The following EGFLAM variants were observed in gnomAD, a reference collection of about 807,000 sequenced individuals.
The protein encoded by EGFLAM is pikachurin.
EGFLAM carries 79 observed loss-of-function variants against 113.1 expected under a neutral mutation model. The observed-to-expected ratio is 0.70, with a 90% CI of 0.58 to 0.84. EGFLAM has a LOEUF of 0.84. Among genes scored for constraint, EGFLAM ranks in the 40% least tolerant of loss-of-function variants. The pLI is 0.00. For synonymous variants in EGFLAM, 504 were observed against 487.6 expected, an observed-to-expected ratio of 1.03 and a Z score of -0.44; for missense variants, 1,265 against 1,291.6, an observed-to-expected ratio of 0.98 and a Z score of 0.32.
intron 1 of EGFLAM, among the ~76,000 whole-genome samples, chr5:38,319,922 A>T (rs1251565763): frequency 6.6e-6 from 1 of 152,174 alleles, no homozygotes; most frequent in African/African-American, 2.4e-5. Context: ...ACATTTAGAG[A>T]TTGGAAACAC....
intron 1 of EGFLAM, among the ~76,000 whole-genome samples, chr5:38,333,916 G>GTTT (rs70978880): frequency 0.069 from 2,014 of 29,374 alleles, 460 homozygotes; most frequent in African/African-American, 0.25. Context: ...ATTGTTGAGG[G>GTTT]TTTTTTTTTT....
intron 10 of EGFLAM, among the ~76,000 whole-genome samples, chr5:38,409,361 G>A (rs1353048177): frequency 2.6e-5 from 4 of 152,110 alleles, no homozygotes; most frequent in Non-Finnish European, 4.4e-5. Context: ...GTGTTGTAGA[G>A]TGTACCTGGT....
In EGFLAM at chr5:38,415,362, CA is replaced by C. The variant is rs201173192; in HGVS notation, c.1495-2691del. On this transcript the variant is annotated intron_variant, in intron 11 of 21. Coordinates refer to ENST00000322350, the MANE Select transcript of EGFLAM (RefSeq NM_152403.4). The stretch of plus-strand genomic sequence containing the variant: ...TGGGCTGCAGAGCAAGACTCCATCT[CA>C]AAAAAAAAAAAAGAAAAGAATTAAG... Among the ~76,000 whole-genome samples, 626 of 129,514 alleles carry C rather than the reference CA, an allele frequency of 4.8e-3. 3 individuals are homozygous for C. Among genetic ancestry groups the C allele is most frequent in the African/African-American group, 0.012 (407 of 34,742 alleles). 85.0% of individuals were successfully genotyped at this position (129,514 alleles called of 152,430 possible). A position where few individuals can be genotyped will look rare whatever the true frequency, so the allele number is the denominator to read the frequency against.
At chr5:38,321,098 T>C (rs1435638429) in intron 1 of EGFLAM, among the ~76,000 whole-genome samples, 1 of 152,194 alleles carries the variant, frequency 6.6e-6, no homozygotes, top group Non-Finnish European at 1.5e-5. Flanking sequence ...TAATTATTTC[T>C]TATACAACTT....
At chr5:38,408,033 GC>G (rs1186369019) in intron 9 of EGFLAM, 128 bp downstream of exon 9, 1 of 660,772 alleles carries the variant, frequency 1.5e-6, no homozygotes, top group Non-Finnish European at 2.7e-6. Context: ...ATGACACAGA[GC>G]CTGTCTCTAA....
At chr5:38,442,157 A>G (rs72742511) in intron 17 of EGFLAM, among the ~76,000 whole-genome samples, 79 of 151,942 alleles carry the variant, frequency 5.2e-4, no homozygotes, top group Non-Finnish European at 1.9e-4. Flanking sequence ...TATATATATA[A>G]AAAAAGCTTC....
At chr5:38,348,066 G>A (rs190626841) in intron 3 of EGFLAM, among the ~76,000 whole-genome samples, 1 of 151,570 alleles carries the variant, frequency 6.6e-6, no homozygotes, top group Admixed American at 6.6e-5. Context: ...GAGAGAGAGA[G>A]AGAGAAGGCA....
At chr5:38,463,730 C>A in intron 21 of EGFLAM, 102 bp from the exon 22 acceptor site, 1 of 1,428,946 alleles carries the variant, frequency 7.0e-7, no homozygotes. Context: ...TCAAGGGATG[C>A]CTTGGCCAGC....
chr5:38,363,138 T>C (rs1243292421), intron 5 of EGFLAM, among the ~76,000 whole-genome samples: 1 of 152,158 alleles, frequency 6.6e-6, no homozygotes, highest in African/African-American at 2.4e-5. Flanking sequence ...CTTTGACTAC[T>C]GAGTGGTTTT....
chr5:38,337,722 A>T, intron 2 of EGFLAM, 93 bp downstream of exon 2: 1 of 1,063,560 alleles, frequency 9.4e-7, no homozygotes, highest in Non-Finnish European at 1.4e-6. Context: ...CTGTCCTTCC[A>T]TATCAATAAC....
Position 38,370,362 on chromosome 5 carries a change from G to A in EGFLAM, c.612G>A (p.Lys204=), listed in dbSNP as rs144391587. The A allele has an allele frequency of 1.2e-6, 2 of 1,614,168 alleles. No homozygotes were observed. The highest frequency in any genetic ancestry group is 1.7e-6 in the Non-Finnish European group (2 of 1,180,030). Residue 204 remains lysine (K), a synonymous_variant, in exon 6 of 22, where the codon AAG becomes AAA. Coordinates refer to ENST00000322350, the MANE Select transcript of EGFLAM (RefSeq NM_152403.4). Reference sequence around the variant, plus strand: ...TCCAGATGGACTCCATGGTTATCAAGGGCCTCGATCCAGATACCAACTACC... The same window carrying A: ...TCCAGATGGACTCCATGGTTATCAAAGGCCTCGATCCAGATACCAACTACC... ...ERIQMDSMVI[K]GLDPDTNYQF... is the part of the protein sequence containing the mutation.
intron 1 of EGFLAM, among the ~76,000 whole-genome samples, chr5:38,271,335 AT>A (rs1385764060): frequency 2.6e-4 from 39 of 152,176 alleles, no homozygotes; most frequent in African/African-American, 9.2e-4. Flanking sequence ...CTCCGCCTTC[AT>A]TTTGCTTCAA....
At chr5:38,372,701 G>A (rs1740256676) in intron 6 of EGFLAM, among the ~76,000 whole-genome samples, 1 of 152,116 alleles carries the variant, frequency 6.6e-6, no homozygotes, top group African/African-American at 2.4e-5. Context: ...TCTCAGTTAT[G>A]AAACATTCTT....
At chr5:38,322,658 G>C (rs1738773096) in intron 1 of EGFLAM, among the ~76,000 whole-genome samples, 1 of 152,156 alleles carries the variant, frequency 6.6e-6, no homozygotes, top group African/African-American at 2.4e-5. Flanking sequence ...ATTACTCCCT[G>C]GAATTACACT....
intron 5 of EGFLAM, among the ~76,000 whole-genome samples, chr5:38,353,527 A>G (rs1739684071): frequency 6.6e-6 from 1 of 152,208 alleles, no homozygotes; most frequent in Admixed American, 6.5e-5. Context: ...TTGACTTCCT[A>G]GCCTATTCCT....
intron 3 of EGFLAM, among the ~76,000 whole-genome samples, chr5:38,344,486 A>G (rs942958229): frequency 6.5e-4 from 9 of 13,908 alleles, no homozygotes; most frequent in Admixed American, 2.2e-3. Context: ...TCTGTTTCAA[A>G]AAAAAAAAAA....
chr5:38,332,831 T>C lies in EGFLAM; in HGVS notation c.98-4689T>C, dbSNP rs191862407. 1.8e-4 allele frequency among the ~76,000 whole-genome samples: 27 copies of C among 152,316 alleles called. 1 individual carries two copies. The East Asian group carries it at 5.2e-3, about 29-fold the overall frequency. On this transcript the variant is annotated intron_variant, in intron 1 of 21. Coordinates refer to ENST00000322350, the MANE Select transcript of EGFLAM (RefSeq NM_152403.4). ...TTTCCACCCTGGGTGGGCCAGGTGT[T>C]CCTTGCCCTCATTCCGGTAAACCCA... is the stretch of plus-strand genomic sequence containing the variant.
chr5:38,383,221 G>C (rs763040709), intron 6 of EGFLAM, among the ~76,000 whole-genome samples: 2 of 152,212 alleles, frequency 1.3e-5, no homozygotes, highest in Non-Finnish European at 2.9e-5. Context: ...AACAAAAACA[G>C]ATATTTCTTC....
At chr5:38,446,990 A>T (rs1211109497) in intron 17 of EGFLAM, among the ~76,000 whole-genome samples, 6 of 152,142 alleles carry the variant, frequency 3.9e-5, no homozygotes, top group Non-Finnish European at 7.3e-5. Context: ...AACGTGTTTT[A>T]TAAACCTTCT....
Sources: gnomAD v4.1 joint callset for allele counts (sites outside exome capture counted in the v4.1 genomes callset) on GRCh38, gnomAD v4.1.1 for gene constraint, MANE v1.5 for transcripts, NCBI Gene and HGNC (gene_info 2026-07-23, HGNC 2026-07-21) for gene names.